THSD7B: variants seen among roughly 807,000 people sequenced by gnomAD.
The protein encoded by THSD7B is thrombospondin type 1 domain containing 7B, also known as thrombospondin type-1 domain-containing protein 7B.
THSD7B carries 138 observed loss-of-function variants against 213.6 expected under a neutral mutation model. The ratio of observed to expected loss-of-function variants is 0.65; its 90% CI spans 0.56 to 0.74. THSD7B has a LOEUF of 0.74. THSD7B is among the 30% of genes least tolerant of loss of function. THSD7B has a pLI of 0.00. For synonymous variants in THSD7B, 742 were observed against 687.0 expected, an observed-to-expected ratio of 1.08 and a Z score of -1.25; for missense variants, 1,931 against 1,991.5, an observed-to-expected ratio of 0.97 and a Z score of 0.58.
At chr2:137,299,582 G>A (rs575116206) in intron 12 of THSD7B, among the ~76,000 whole-genome samples, 4 of 152,118 alleles carry the variant, frequency 2.6e-5, no homozygotes, top group Admixed American at 6.5e-5. Context: ...AATCTCAGAG[G>A]GTGAGGCTAC....
intron 16 of THSD7B, 92 bp from the exon 17 acceptor site, chr2:137,572,314 C>A: frequency 7.0e-7 from 1 of 1,419,834 alleles, no homozygotes; most frequent in Non-Finnish European, 9.6e-7. Context: ...TTATATTTAA[C>A]TATCGTCAGT....
At position 137,122,517 on chromosome 2, in the gene THSD7B, A is replaced by G. The variant is rs146922974; in HGVS notation, c.1369+7224A>G. On this transcript the variant is annotated intron_variant, in intron 5 of 27. Transcript: ENST00000409968. ...GAAAGGCAGAGAACATATTTTCAGT[A>G]AAACTGGTAATCAAGCTGGCCATGA... Among the ~76,000 whole-genome samples the G allele has an allele frequency of 6.6e-5, 10 of 152,290 alleles. No homozygotes were observed. In the East Asian group the frequency reaches 1.7e-3, roughly 26 times the overall value.
intron 12 of THSD7B, among the ~76,000 whole-genome samples, chr2:137,404,430 G>GATATATATATATATAT (rs59001356): frequency 2.0e-5 from 1 of 49,302 alleles, no homozygotes; most frequent in Non-Finnish European, 3.4e-5. Flanking sequence ...GAAACTCTGA[G>GATATATATATATATAT]ATATATATAT....
chr2:137,546,415 T>TAATATATAA (rs1558834318), intron 15 of THSD7B, among the ~76,000 whole-genome samples: 1 of 25,528 alleles, frequency 3.9e-5, no homozygotes, highest in Non-Finnish European at 6.1e-5. Flanking sequence ...TATATATATA[T>TAATATATAA]TATATATATT....
chr2:136,942,889 T>A (rs946380499), intron 2 of THSD7B, among the ~76,000 whole-genome samples: 3 of 152,210 alleles, frequency 2.0e-5, no homozygotes, highest in Non-Finnish European at 4.4e-5. Flanking sequence ...AACACTGTGT[T>A]GAATAGGAGT....
intron 10 of THSD7B, among the ~76,000 whole-genome samples, chr2:137,266,717 C>T (rs1009580571): frequency 3.9e-5 from 6 of 152,172 alleles, no homozygotes; most frequent in African/African-American, 1.4e-4. Flanking sequence ...AGCTATCCTG[C>T]ATCTACTCTG....
At chr2:136,842,065 C>T (rs1031017573) in intron 1 of THSD7B, among the ~76,000 whole-genome samples, 2 of 152,320 alleles carry the variant, frequency 1.3e-5, no homozygotes, top group Middle Eastern at 3.4e-3. Flanking sequence ...CTCCATGACA[C>T]TCTGAGGCAG....
chr2:137,609,896 G>A (rs1309891663), intron 17 of THSD7B, among the ~76,000 whole-genome samples: 4 of 152,102 alleles, frequency 2.6e-5, no homozygotes, highest in African/African-American at 9.7e-5. Flanking sequence ...GATGGGTTGT[G>A]CATTCTACTT....
intron 6 of THSD7B, among the ~76,000 whole-genome samples, chr2:137,163,968 A>T (rs1680068788): frequency 6.6e-6 from 1 of 152,186 alleles, no homozygotes; most frequent in Non-Finnish European, 1.5e-5. Flanking sequence ...AGCCTAAAGA[A>T]GTTTGGATCA....
intron 2 of THSD7B, among the ~76,000 whole-genome samples, chr2:136,926,873 A>G (rs2105041453): frequency 6.6e-6 from 1 of 151,272 alleles, no homozygotes; most frequent in Admixed American, 6.6e-5. Context: ...CTTTCCCTCA[A>G]GTGTTCTATA....
At chr2:136,802,986 A>G (rs1300679257) in intron 1 of THSD7B, among the ~76,000 whole-genome samples, 3 of 151,984 alleles carry the variant, frequency 2.0e-5, no homozygotes, top group East Asian at 1.9e-4. Context: ...CAAAGAGTGA[A>G]TCTAAGCTCA....
intron 10 of THSD7B, among the ~76,000 whole-genome samples, chr2:137,271,448 A>G (rs1682735976): frequency 8.0e-6 from 1 of 124,820 alleles, no homozygotes; most frequent in South Asian, 2.3e-4. Flanking sequence ...AATATAATAT[A>G]TAATATAATA....
intron 10 of THSD7B, among the ~76,000 whole-genome samples, chr2:137,244,854 C>T (rs1380685358): frequency 3.9e-5 from 6 of 152,100 alleles, no homozygotes; most frequent in African/African-American, 1.4e-4. Flanking sequence ...AATTACAGGA[C>T]ACTATAAGAG....
In THSD7B at chr2:137,238,403, C is replaced by A. The variant is rs532441165; in HGVS notation, c.2151-4054C>A. ...GGCAATTGAATTCATTTTTAGAAGA[C>A]CTTAAAAATTAATAAGGGACTTAGG... On this transcript the variant is annotated intron_variant, in intron 9 of 27. Transcript: ENST00000409968. Among the ~76,000 whole-genome samples the A allele has an allele frequency of 4.6e-5, 7 of 152,088 alleles. No homozygotes were observed. In the South Asian group the frequency reaches 1.2e-3, roughly 27 times the overall value.
At chr2:137,088,704 A>T (rs1253062653) in intron 3 of THSD7B, among the ~76,000 whole-genome samples, 1 of 152,142 alleles carries the variant, frequency 6.6e-6, no homozygotes, top group Non-Finnish European at 1.5e-5. Context: ...CCCACAGAGT[A>T]GGAAAAAATC....
intron 12 of THSD7B, among the ~76,000 whole-genome samples, chr2:137,359,528 G>A (rs1685206777): frequency 2.0e-5 from 3 of 152,114 alleles, no homozygotes. Flanking sequence ...GTGGTTTCGG[G>A]GTAGGTAAGC....
chr2:137,179,552 G>A lies in THSD7B; in HGVS notation c.1723+8614G>A, dbSNP rs1359115809. Among the ~76,000 whole-genome samples, 3 of 151,420 alleles carry A rather than the reference G, an allele frequency of 2.0e-5. No homozygotes were observed. In the South Asian group the frequency reaches 6.3e-4, roughly 32 times the overall value. On this transcript the variant is annotated intron_variant, in intron 7 of 27. Coordinates refer to ENST00000409968, the MANE Select transcript of THSD7B (RefSeq NM_001316349.2). Reference sequence around the variant, plus strand: ...ACACATTCTGTACCTGTTCAAATGTGTTCAGGAAATATAGTGGGGAAAAAA... The same window carrying A: ...ACACATTCTGTACCTGTTCAAATGTATTCAGGAAATATAGTGGGGAAAAAA...
intron 15 of THSD7B, among the ~76,000 whole-genome samples, chr2:137,513,117 C>G (rs929003001): frequency 1.3e-5 from 2 of 152,186 alleles, no homozygotes; most frequent in African/African-American, 4.8e-5. Flanking sequence ...AACTCAGGTT[C>G]TCTAAGCCTT....
At chr2:137,661,278 A>C (rs1683338069) in intron 25 of THSD7B, among the ~76,000 whole-genome samples, 1 of 152,248 alleles carries the variant, frequency 6.6e-6, no homozygotes, top group Non-Finnish European at 1.5e-5. Flanking sequence ...ATTGTACTTA[A>C]AAATGACCAG....
Sources: gnomAD v4.1 joint callset for allele counts (sites outside exome capture counted in the v4.1 genomes callset) on GRCh38, gnomAD v4.1.1 for gene constraint, MANE v1.5 for transcripts, NCBI Gene and HGNC (gene_info 2026-07-23, HGNC 2026-07-21) for gene names.